The following RYR3 variants were observed in gnomAD, a reference collection of about 807,000 sequenced individuals.
RYR3 encodes brain ryanodine receptor-calcium release channel.
RYR3 carries 207 observed loss-of-function variants against 584.3 expected under a neutral mutation model. The observed-to-expected ratio is 0.35, with a 90% CI of 0.32 to 0.40. RYR3 has a LOEUF of 0.40. Among genes scored for constraint, RYR3 ranks in the 10% least tolerant of loss-of-function variants. The pLI is 1.00. For synonymous variants in RYR3, 2,416 were observed against 2,248.5 expected (o/e 1.07, Z -2.11); for missense variants, 5,616 against 6,089.2 (o/e 0.92, Z 2.59).
chr15:33,613,699 A>G (rs1365366814), intron 19 of RYR3, among the ~76,000 whole-genome samples: 2 of 152,278 alleles, frequency 1.3e-5, no homozygotes, highest in East Asian at 1.9e-4. Flanking sequence ...ACAACACAGT[A>G]AAAATCACCT....
At chr15:33,569,789 T>A (rs981481368) in intron 12 of RYR3, among the ~76,000 whole-genome samples, 3 of 152,152 alleles carry the variant, frequency 2.0e-5, no homozygotes, top group African/African-American at 7.2e-5. Flanking sequence ...GCCATACTAG[T>A]AGCTATGAAG....
At chr15:33,830,929 T>C in intron 85 of RYR3, 34 bp from the exon 86 acceptor site, 1 of 1,605,136 alleles carries the variant, frequency 6.2e-7, no homozygotes, top group Non-Finnish European at 8.5e-7. Context: ...GACTGAAGTC[T>C]GAGAAATACT....
At chr15:33,509,320 C>G (rs552736242) in intron 3 of RYR3, among the ~76,000 whole-genome samples, 39 of 152,280 alleles carry the variant, frequency 2.6e-4, no homozygotes, top group African/African-American at 7.9e-4. Flanking sequence ...TTCTTTCTTC[C>G]TGGGTTCCTG....
chr15:33,485,927 A>G (rs892346736), intron 2 of RYR3, among the ~76,000 whole-genome samples: 3 of 152,232 alleles, frequency 2.0e-5, no homozygotes, highest in Admixed American at 6.5e-5. Context: ...GTGAAAATGT[A>G]TAAAGGATAT....
chr15:33,585,164 T>A (rs1183934673), intron 15 of RYR3, among the ~76,000 whole-genome samples: 3 of 152,130 alleles, frequency 2.0e-5, no homozygotes, highest in African/African-American at 7.2e-5. Context: ...ACAGGTGCTT[T>A]AACAGACCGG....
At chr15:33,442,084 A>G (rs1464101617) in intron 1 of RYR3, among the ~76,000 whole-genome samples, 3 of 152,362 alleles carry the variant, frequency 2.0e-5, no homozygotes, top group South Asian at 2.1e-4. Context: ...AGAAACTGGT[A>G]TTAGTGTCAG....
intron 42 of RYR3, among the ~76,000 whole-genome samples, chr15:33,703,201 A>G (rs908578860): frequency 6.6e-6 from 1 of 152,212 alleles, no homozygotes; most frequent in Non-Finnish European, 1.5e-5. Flanking sequence ...AATGCATTCA[A>G]CTGATAATTA....
intron 27 of RYR3, among the ~76,000 whole-genome samples, chr15:33,643,107 T>C (rs1002201196): frequency 4.6e-5 from 7 of 152,176 alleles, no homozygotes; most frequent in Non-Finnish European, 1.0e-4. Context: ...AAGAAAGTTT[T>C]TACTGTTAGA....
In RYR3 at chr15:33,794,901, G is replaced by A. The variant is rs114564173; in HGVS notation, c.9831-5869G>A. Among the ~76,000 whole-genome samples the A allele has an allele frequency of 7.7e-3, 1,173 of 152,196 alleles. 20 individuals are homozygous for A. The highest frequency in any genetic ancestry group is 0.026 in the African/African-American group (1,094 of 41,518). Reference sequence around the variant, plus strand: ...GAAATACCCGTTCCTTTTTCCTATCGTGACTTTCTGCCTCTGGTTATTGGG... The same window carrying A: ...GAAATACCCGTTCCTTTTTCCTATCATGACTTTCTGCCTCTGGTTATTGGG... On this transcript the variant is annotated intron_variant, in intron 67 of 103. Transcript: ENST00000634891.
chr15:33,838,322 G>A lies in RYR3; in HGVS notation c.12342G>A (p.Glu4114=). The change falls in exon 89 of 104, where the codon GAG becomes GAA. Residue 4114 remains glutamate, a synonymous_variant. Transcript: ENST00000634891. ...ESDSADRPEE[E]EEDEDSSYVL... ...ATTCAGCTGACAGGCCAGAAGAGGA[G>A]GAAGAAGATGAAGATTCTTCTTACG... 2 of 1,614,004 alleles carry A rather than the reference G, an allele frequency of 1.2e-6. No individual in the cohort carries two copies. Among genetic ancestry groups the A allele is most frequent in the Non-Finnish European group, 8.5e-7 (1 of 1,179,890 alleles).
At chr15:33,499,007 C>A (rs936496615) in intron 2 of RYR3, among the ~76,000 whole-genome samples, 1 of 152,124 alleles carries the variant, frequency 6.6e-6, no homozygotes, top group Non-Finnish European at 1.5e-5. Context: ...ACCTGCAATT[C>A]TTTCAAAGAT....
intron 60 of RYR3, among the ~76,000 whole-genome samples, chr15:33,760,663 T>G (rs572345048): frequency 1.3e-5 from 2 of 152,278 alleles, no homozygotes; most frequent in African/African-American, 4.8e-5. Context: ...TGGGAGACTT[T>G]AAAACCCCAC....
At chr15:33,759,735 A>G (rs111977540) in intron 60 of RYR3, among the ~76,000 whole-genome samples, 28,290 of 152,190 alleles carry the variant, frequency 0.19, 2,629 homozygotes, top group South Asian at 0.26. Context: ...GATATTATCC[A>G]GCAGAACTCC....
At chr15:33,429,597 C>G (rs901899654) in intron 1 of RYR3, among the ~76,000 whole-genome samples, 1 of 152,228 alleles carries the variant, frequency 6.6e-6, no homozygotes, top group African/African-American at 2.4e-5. Flanking sequence ...GAATCTCTTA[C>G]AGGACACACA....
rs562364499 is a variant in RYR3, at chr15:33,444,902, T to TAA, written c.52-28505_52-28504dup. ...CACATGTACCCTAAAACTTAAAGTA[T>TAA]AAAAAAAAAAAAAGCTGGAGTGCGC... On this transcript the variant is annotated intron_variant, in intron 1 of 103. Transcript: ENST00000634891. 2.5e-4 allele frequency among the ~76,000 whole-genome samples: 34 copies of TAA among 133,518 alleles called. No individual in the cohort carries two copies. In the South Asian group the frequency reaches 4.5e-3, roughly 18 times the overall value. 87.6% of individuals were successfully genotyped at this position (133,518 alleles called of 152,430 possible). A position where few individuals can be genotyped will look rare whatever the true frequency, so the allele number is the denominator to read the frequency against.
In RYR3 at chr15:33,692,704, C is replaced by T. The variant is rs1326009644; in HGVS notation, c.5861-3514C>T. On this transcript the variant is annotated intron_variant, in intron 38 of 103. Coordinates refer to ENST00000634891, the MANE Select transcript of RYR3 (RefSeq NM_001036.6). ...CTCTGACACTTACTTTGAAGGCTTG[C>T]CTGGACAAAGAATGGAGTGGCAGGT... is the stretch of plus-strand genomic sequence containing the variant. 2.0e-5 allele frequency among the ~76,000 whole-genome samples: 3 copies of T among 151,284 alleles called. 1 individual carries two copies. The highest frequency in any genetic ancestry group is 4.2e-4 in the South Asian group (2 of 4,800).
Position 33,456,426 on chromosome 15 carries a change from C to CT in RYR3, c.52-16985dup, listed in dbSNP as rs202205541. ...AGAAGTGTGCAAAATAGCATTACGT[C>CT]TTTTTTTTATAAGCCCTGCTGTGTG... On this transcript the variant is annotated intron_variant, in intron 1 of 103. Coordinates refer to ENST00000634891, the MANE Select transcript of RYR3 (RefSeq NM_001036.6). 8.5e-3 allele frequency among the ~76,000 whole-genome samples: 1,294 copies of CT among 152,170 alleles called. 9 individuals carry two copies. Among genetic ancestry groups the CT allele is most frequent in the Admixed American group, 0.014 (212 of 15,294 alleles).
chr15:33,656,302 G>T (rs1036583093), intron 32 of RYR3, among the ~76,000 whole-genome samples: 26 of 152,320 alleles, frequency 1.7e-4, no homozygotes, highest in African/African-American at 6.0e-4. Flanking sequence ...CTAAATCTGG[G>T]CTGGTTGCGC....
rs1299456305 is a variant in RYR3 at position 33,639,393 on chromosome 15, G to A, written c.3556+2843G>A. 5.3e-5 allele frequency among the ~76,000 whole-genome samples: 8 copies of A among 152,190 alleles called. No individual in the cohort carries two copies. In the South Asian group the frequency reaches 6.2e-4, roughly 12 times the overall value. ...TTGGTGGAAGGGTAGTTATAAGGAA[G>A]TCGACATGCCATTCTTTGATAACAG... On this transcript the variant is annotated intron_variant, in intron 27 of 103. Transcript: ENST00000634891.
Sources: gnomAD v4.1 joint callset for allele counts (sites outside exome capture counted in the v4.1 genomes callset) on GRCh38, gnomAD v4.1.1 for gene constraint, MANE v1.5 for transcripts, NCBI Gene and HGNC (gene_info 2026-07-23, HGNC 2026-07-21) for gene names.